The following DNER variants were observed in gnomAD, a reference collection of about 807,000 sequenced individuals.
The protein encoded by DNER is delta/notch like EGF repeat containing.
A neutral mutation model predicts 78.2 loss-of-function variants in DNER; 33 were observed. The observed-to-expected ratio is 0.42, with a 90% CI of 0.32 to 0.56. The LOEUF is 0.56. Among genes scored for constraint, DNER ranks in the 20% least tolerant of loss-of-function variants. The pLI, the probability that DNER is intolerant of heterozygous loss-of-function variation, is 0.11. For synonymous variants in DNER, 417 were observed against 384.8 expected (o/e 1.08, Z -0.98); for missense variants, 918 against 975.3 (o/e 0.94, Z 0.78).
intron 1 of DNER, among the ~76,000 whole-genome samples, chr2:229,654,653 A>G (rs1698883616): frequency 6.6e-6 from 1 of 152,178 alleles, no homozygotes; most frequent in Non-Finnish European, 1.5e-5. Flanking sequence ...GGCACTGCCT[A>G]TGCTTATGTG....
At chr2:229,709,407 G>A (rs1454261472) in intron 1 of DNER, among the ~76,000 whole-genome samples, 1 of 152,168 alleles carries the variant, frequency 6.6e-6, no homozygotes, top group African/African-American at 2.4e-5. Flanking sequence ...GCCAGAGAAA[G>A]AAGCAATGTC....
At chr2:229,585,723 A>C (rs1321752285) in intron 4 of DNER, 135 bp downstream of exon 4, 7 of 903,692 alleles carry the variant, frequency 7.7e-6, no homozygotes, top group Admixed American at 3.0e-5. Context: ...CTAAAACCTT[A>C]CCAAAGTGAA....
At chr2:229,409,957 G>C (rs1693473514) in intron 9 of DNER, among the ~76,000 whole-genome samples, 1 of 152,046 alleles carries the variant, frequency 6.6e-6, no homozygotes, top group Non-Finnish European at 1.5e-5. Context: ...GACAATCATG[G>C]ACACTACTGA....
At chr2:229,621,262 T>C (rs1405772896) in intron 1 of DNER, among the ~76,000 whole-genome samples, 1 of 152,232 alleles carries the variant, frequency 6.6e-6, no homozygotes, top group Non-Finnish European at 1.5e-5. Context: ...TGCCCTATTT[T>C]GATCATTCCT....
intron 7 of DNER, among the ~76,000 whole-genome samples, chr2:229,469,391 G>A (rs893923502): frequency 3.3e-5 from 5 of 152,204 alleles, no homozygotes; most frequent in Non-Finnish European, 5.9e-5. Context: ...TGCAGATTAA[G>A]TGGTGAAATT....
At chr2:229,599,830 A>T (rs1472091316) in intron 1 of DNER, among the ~76,000 whole-genome samples, 3 of 152,236 alleles carry the variant, frequency 2.0e-5, no homozygotes, top group African/African-American at 7.2e-5. Context: ...CTACAGAATC[A>T]TGCCATTTTA....
In DNER at chr2:229,387,469, G is replaced by A. The variant is rs536412951; in HGVS notation, c.1855+796C>T. ...CTGCACATGTGTCCCAGAACTTAAA[G>A]TATAATAGAAAGAAAAAGAAAGAAA... On this transcript the variant is annotated intron_variant, in intron 11 of 12. Coordinates refer to ENST00000341772, the MANE Select transcript of DNER (RefSeq NM_139072.4). Among the ~76,000 whole-genome samples the A allele has an allele frequency of 5.4e-5, 7 of 129,650 alleles. No individual in the cohort carries two copies. In the South Asian group the frequency reaches 1.3e-3, roughly 23 times the overall value. The allele number at this position is 129,650 out of a possible 152,430, so 85.1% of individuals were successfully genotyped here.
At chr2:229,662,738 A>T (rs1699029113) in intron 1 of DNER, among the ~76,000 whole-genome samples, 1 of 152,208 alleles carries the variant, frequency 6.6e-6, no homozygotes, top group Non-Finnish European at 1.5e-5. Context: ...CATCAGGTCA[A>T]CAAAGCCACC....
At chr2:229,509,207 C>T (rs1695812490) in intron 6 of DNER, among the ~76,000 whole-genome samples, 1 of 152,134 alleles carries the variant, frequency 6.6e-6, no homozygotes, top group African/African-American at 2.4e-5. Flanking sequence ...TGAGAACAAA[C>T]CTAGATAAAA....
At chr2:229,646,137 T>C (rs1698714453) in intron 1 of DNER, among the ~76,000 whole-genome samples, 1 of 152,220 alleles carries the variant, frequency 6.6e-6, no homozygotes, top group Non-Finnish European at 1.5e-5. Flanking sequence ...CTATGAAAGC[T>C]GCACCAAGTA....
chr2:229,660,847 A>C (rs1424954730), intron 1 of DNER, among the ~76,000 whole-genome samples: 1 of 152,236 alleles, frequency 6.6e-6, no homozygotes, highest in Non-Finnish European at 1.5e-5. Flanking sequence ...AATTTGTAGA[A>C]CACAACTCCA....
intron 8 of DNER, among the ~76,000 whole-genome samples, chr2:229,436,776 T>G (rs1189897184): frequency 6.6e-6 from 1 of 152,144 alleles, no homozygotes; most frequent in Non-Finnish European, 1.5e-5. Flanking sequence ...CAGACCTGCT[T>G]TACAAGAGGT....
chr2:229,639,079 T>C (rs1190499295), intron 1 of DNER, among the ~76,000 whole-genome samples: 2 of 152,224 alleles, frequency 1.3e-5, no homozygotes, highest in African/African-American at 4.8e-5. Flanking sequence ...GTTTATACCC[T>C]GAACACTCCC....
chr2:229,578,917 A>C (rs1001244591), intron 4 of DNER, among the ~76,000 whole-genome samples: 1 of 152,232 alleles, frequency 6.6e-6, no homozygotes, highest in African/African-American at 2.4e-5. Context: ...ATAAACAGAG[A>C]ACTCAAGAAA....
intron 10 of DNER, among the ~76,000 whole-genome samples, chr2:229,403,759 A>T (rs1693321060): frequency 6.6e-6 from 1 of 151,798 alleles, no homozygotes; most frequent in Non-Finnish European, 1.5e-5. Context: ...TGTAGGGGTA[A>T]AGGGATGAGC....
intron 6 of DNER, among the ~76,000 whole-genome samples, chr2:229,479,124 G>A (rs1052865999): frequency 2.0e-5 from 3 of 152,260 alleles, no homozygotes; most frequent in Middle Eastern, 6.8e-3. Flanking sequence ...CTCCATCCAT[G>A]TCCCTGCAAA....
intron 12 of DNER, among the ~76,000 whole-genome samples, chr2:229,360,537 C>T (rs1200241479): frequency 3.3e-5 from 5 of 152,120 alleles, no homozygotes; most frequent in African/African-American, 9.7e-5. Context: ...CTCAGCTTCC[C>T]GAGTAGCTGG....
chr2:229,534,193 C>T (rs538962470), intron 5 of DNER, among the ~76,000 whole-genome samples: 9 of 149,700 alleles, frequency 6.0e-5, no homozygotes, highest in South Asian at 2.1e-4. Context: ...TAGATTGTAA[C>T]GTAACAGACC....
intron 10 of DNER, among the ~76,000 whole-genome samples, chr2:229,405,808 T>C (rs1693366543): frequency 6.6e-6 from 1 of 152,276 alleles, no homozygotes; most frequent in African/African-American, 2.4e-5. Flanking sequence ...TTTTCAGTGG[T>C]GGGATTTTTT....
Sources: gnomAD v4.1 joint callset for allele counts (sites outside exome capture counted in the v4.1 genomes callset) on GRCh38, gnomAD v4.1.1 for gene constraint, MANE v1.5 for transcripts, NCBI Gene and HGNC (gene_info 2026-07-23, HGNC 2026-07-21) for gene names.